The following ETV6 variants were observed in gnomAD, a reference collection of about 807,000 sequenced individuals.
The protein encoded by ETV6 is transcription factor ETV6.
A neutral mutation model predicts 51.1 loss-of-function variants in ETV6; 16 were observed. The ratio of observed to expected loss-of-function variants is 0.31; its 90% CI spans 0.21 to 0.48. The LOEUF (loss-of-function observed/expected upper bound fraction) is 0.48. Among genes scored for constraint, ETV6 ranks in the 20% least tolerant of loss-of-function variants. The pLI, the probability that ETV6 is intolerant of heterozygous loss-of-function variation, is 0.99. For synonymous variants in ETV6, 240 were observed against 224.1 expected, an observed-to-expected ratio of 1.07 and a Z score of -0.64; for missense variants, 458 against 594.8, an observed-to-expected ratio of 0.77 and a Z score of 2.39.
chr12:11,756,822 G>C (rs1407614979), intron 2 of ETV6, among the ~76,000 whole-genome samples: 1 of 152,234 alleles, frequency 6.6e-6, no homozygotes, highest in Non-Finnish European at 1.5e-5. Context: ...CTCAGACAGT[G>C]ATGCTCAGGC....
chr12:11,758,949 A>C (rs755493237), intron 2 of ETV6, among the ~76,000 whole-genome samples: 1 of 152,126 alleles, frequency 6.6e-6, no homozygotes, highest in Non-Finnish European at 1.5e-5. Flanking sequence ...TCCCCGCGGC[A>C]CATGTGGCTG....
intron 2 of ETV6, among the ~76,000 whole-genome samples, chr12:11,808,473 TA>T (rs1176104154): frequency 6.8e-6 from 1 of 147,282 alleles, no homozygotes; most frequent in Non-Finnish European, 1.5e-5. Flanking sequence ...AATGCAACAA[TA>T]AAAAAATACA....
chr12:11,715,117 A>G (rs564843787), intron 1 of ETV6, among the ~76,000 whole-genome samples: 1 of 152,280 alleles, frequency 6.6e-6, no homozygotes, highest in South Asian at 2.1e-4. Context: ...ATGAGCAGGA[A>G]TTCTTGGGGT....
intron 2 of ETV6, among the ~76,000 whole-genome samples, chr12:11,836,370 A>C (rs935826658): frequency 7.3e-4 from 111 of 152,324 alleles, no homozygotes; most frequent in African/African-American, 2.6e-3. Context: ...GGCCTCGAGC[A>C]GGTGGCTTGC....
intron 2 of ETV6, among the ~76,000 whole-genome samples, chr12:11,822,699 T>C (rs1946098272): frequency 6.6e-6 from 1 of 152,190 alleles, no homozygotes; most frequent in South Asian, 2.1e-4. Flanking sequence ...GAGCAATGAA[T>C]GTAAAGTGCT....
At chr12:11,824,845 A>G (rs1457742371) in intron 2 of ETV6, among the ~76,000 whole-genome samples, 2 of 152,244 alleles carry the variant, frequency 1.3e-5, no homozygotes, top group African/African-American at 4.8e-5. Flanking sequence ...AAACAGAACC[A>G]GGAGATTTCA....
rs111309234 is a variant in ETV6, at chr12:11,878,827, G to GAAA, written c.1010-5618_1010-5617insAAA. ...TGATCTAGAATAGAGGAGGAGGAGG[G>GAAA]GAAAAAAAAAAAAAACAAGCAGCAG... is the stretch of plus-strand genomic sequence containing the variant. On this transcript the variant is annotated intron_variant, in intron 5 of 7. Transcript: ENST00000396373. 5.6e-3 allele frequency among the ~76,000 whole-genome samples: 739 copies of GAAA among 132,544 alleles called. 9 individuals are homozygous for GAAA. Among genetic ancestry groups the GAAA allele is most frequent in the African/African-American group, 0.011 (402 of 35,506 alleles). The allele number at this position is 132,544 out of a possible 152,430, so 87.0% of individuals were successfully genotyped here.
chr12:11,650,216 G>A lies in ETV6; in HGVS notation c.33+56G>A, dbSNP rs1220642053. Reference sequence around the variant, plus strand: ...TGGAAACCCTGAGCTGCACCGGCCAGGGCAGTCGTGCTGGGCTCCTCAGAG... The same window carrying A: ...TGGAAACCCTGAGCTGCACCGGCCAAGGCAGTCGTGCTGGGCTCCTCAGAG... On this transcript the variant is annotated intron_variant, in intron 1 of 7. Transcript: ENST00000396373. 10 of 1,502,010 alleles carry A rather than the reference G, an allele frequency of 6.7e-6. No homozygotes were observed. The East Asian group carries it at 2.0e-4, about 30-fold the overall frequency. 93.0% of individuals were successfully genotyped at this position (1,502,010 alleles called of 1,614,324 possible).
chr12:11,725,335 G>T (rs1865468830), intron 1 of ETV6, among the ~76,000 whole-genome samples: 1 of 152,096 alleles, frequency 6.6e-6, no homozygotes, highest in Admixed American at 6.5e-5. Context: ...GGACTTGGCA[G>T]CCCCGAGCTT....
intron 2 of ETV6, among the ~76,000 whole-genome samples, chr12:11,772,119 T>A (rs1945249991): frequency 1.3e-5 from 2 of 152,188 alleles, no homozygotes; most frequent in Admixed American, 6.5e-5. Flanking sequence ...ATAAAAACTT[T>A]CAGACACCTA....
intron 2 of ETV6, among the ~76,000 whole-genome samples, chr12:11,797,313 G>T (rs1208371902): frequency 5.3e-5 from 8 of 152,170 alleles, no homozygotes; most frequent in Admixed American, 5.2e-4. Context: ...ACAGAGTCAG[G>T]GTCATAGGGA....
intron 2 of ETV6, among the ~76,000 whole-genome samples, chr12:11,799,728 C>T (rs1168275702): frequency 6.6e-6 from 1 of 152,140 alleles, no homozygotes; most frequent in South Asian, 2.1e-4. Flanking sequence ...GGCACGTCTA[C>T]TTTGCATTCA....
intron 2 of ETV6, among the ~76,000 whole-genome samples, chr12:11,768,330 C>T (rs1244950643): frequency 6.6e-6 from 1 of 152,190 alleles, no homozygotes; most frequent in Admixed American, 6.5e-5. Flanking sequence ...CTATGTGTTA[C>T]TAGTGCTTTA....
At chr12:11,728,575 A>G (rs79904152) in intron 1 of ETV6, among the ~76,000 whole-genome samples, 3 of 152,182 alleles carry the variant, frequency 2.0e-5, no homozygotes, top group African/African-American at 7.2e-5. Flanking sequence ...GTCCGTGGAA[A>G]AATGTTCTTC....
At position 11,869,164 on chromosome 12, in the gene ETV6, A is replaced by G. The variant is rs12578955; in HGVS notation, c.464-260A>G. 6.6e-6 allele frequency among the ~76,000 whole-genome samples: 1 copy of G among 151,198 alleles called. No homozygotes were observed. The highest frequency in any genetic ancestry group is 2.1e-4 in the South Asian group (1 of 4,788). Reference sequence around the variant, plus strand: ...GGCCGGAGAATGGCATGAACCCGGGAGGCAGAGCTTGCAGTGAGCCGAGAT... The same window carrying G: ...GGCCGGAGAATGGCATGAACCCGGGGGGCAGAGCTTGCAGTGAGCCGAGAT... On this transcript the variant is annotated intron_variant, in intron 4 of 7. Transcript: ENST00000396373. This position sits in a 1 kb window ranked among gnomAD's most constrained non-coding sequence, Gnocchi z 5.0.
Position 11,649,752 on chromosome 12 carries a change from C to T in ETV6, c.-376C>T, listed in dbSNP as rs1166240242. ...GTTCTGCCTTTCAGTTTCTCTCTTC[C>T]AGGAAGGAAAACATTCGAGAGAGCG... On this transcript the variant is annotated 5_prime_UTR_variant, in exon 1 of 8. An upstream open reading frame in the 5' UTR gains an earlier in-frame stop. Transcript: ENST00000396373. The T allele has an allele frequency of 6.6e-6, 1 of 151,882 alleles. No individual in the cohort carries two copies. Among genetic ancestry groups the T allele is most frequent in the Non-Finnish European group, 1.5e-5 (1 of 68,466 alleles). The allele number at this position is 151,882 out of a possible 1,614,324, so 9.4% of individuals were successfully genotyped here. A position where few individuals can be genotyped will look rare whatever the true frequency, so the allele number is the denominator to read the frequency against.
intron 4 of ETV6, among the ~76,000 whole-genome samples, chr12:11,865,754 C>A (rs1030926835): frequency 6.7e-6 from 1 of 149,822 alleles, no homozygotes; most frequent in African/African-American, 2.4e-5. Flanking sequence ...TTAGTATAAT[C>A]TCCCCCTGTA....
intron 2 of ETV6, among the ~76,000 whole-genome samples, chr12:11,796,664 A>G (rs1187096763): frequency 1.3e-5 from 2 of 152,220 alleles, no homozygotes; most frequent in East Asian, 3.8e-4. Flanking sequence ...GGGCCGATCA[A>G]GGACACCAAG....
intron 2 of ETV6, among the ~76,000 whole-genome samples, chr12:11,806,852 C>T (rs747205338): frequency 7.2e-5 from 11 of 152,222 alleles, no homozygotes; most frequent in Non-Finnish European, 2.9e-5. Context: ...AAAAATCCTG[C>T]GGAGCTCAAC....
Sources: allele counts gnomAD v4.1 joint callset (sites outside exome capture counted in the v4.1 genomes callset), GRCh38; gene constraint gnomAD v4.1.1; non-coding constraint Gnocchi (gnomAD v3.1); transcripts MANE v1.5; gene names NCBI Gene and HGNC (gene_info 2026-07-23, HGNC 2026-07-21).